Variants in FDX1 observed in about 807,000 individuals in gnomAD.
FDX1 encodes the protein adrenodoxin, mitochondrial.
FDX1 carries 9 observed loss-of-function variants against 14.9 expected under a neutral mutation model. The observed-to-expected ratio is 0.60, with a 90% confidence interval of 0.36 to 1.05. FDX1 has a LOEUF of 1.05. FDX1 is among the 50% of genes least tolerant of loss of function. FDX1 has a pLI of 0.01. For missense variants in FDX1, 204 were observed against 237.2 expected (o/e 0.86, Z 0.92); for synonymous variants, 92 against 99.4 (o/e 0.93, Z 0.44).
At chr11:110,433,621 A>T (rs1333854697) in intron 1 of FDX1, among the ~76,000 whole-genome samples, 1 of 152,176 alleles carries the variant, frequency 6.6e-6, no homozygotes, top group African/African-American at 2.4e-5. Flanking sequence ...TTTGAAAAAA[A>T]TGGCAGTTAT....
At chr11:110,429,673 T>G (rs1029002808), upstream of FDX1, among the ~76,000 whole-genome samples, 2 of 151,434 alleles carry the variant, frequency 1.3e-5, no homozygotes, top group Non-Finnish European at 3.0e-5. Context: ...ATTTCCCAGT[T>G]TTTTTTTTAA....
At chr11:110,450,345 G>A (rs1247050740) in intron 2 of FDX1, among the ~76,000 whole-genome samples, 1 of 151,906 alleles carries the variant, frequency 6.6e-6, no homozygotes, top group East Asian at 1.9e-4. Flanking sequence ...CTCATAAGGA[G>A]GGTGCACCCT....
chr11:110,430,255 G>T lies in FDX1; in HGVS notation c.135G>T (p.Gly45=), dbSNP rs138066706. The part of the protein sequence containing the change: ...SGLLRNRGPG[G]SAEASRSLSV... The stretch of plus-strand genomic sequence containing the variant: ...TGCTGAGGAACCGGGGGCCGGGCGG[G>T]AGCGCGGAGGCGAGCCGGTCGCTGA... Residue 45 remains glycine (G), a synonymous_variant, in exon 1 of 4, where the codon GGG becomes GGT. Transcript: ENST00000260270. 9,886 of 1,205,116 alleles carry T rather than the reference G, an allele frequency of 8.2e-3. 646 individuals carry two copies. The East Asian group carries it at 0.17, about 20-fold the overall frequency. The allele number at this position is 1,205,116 out of a possible 1,614,324, so 74.7% of individuals were successfully genotyped here. A position where few individuals can be genotyped will look rare whatever the true frequency, so the allele number is the denominator to read the frequency against.
intron 2 of FDX1, among the ~76,000 whole-genome samples, chr11:110,444,726 ATATATATATATATATATACACG>A (rs1565382032): frequency 2.1e-4 from 13 of 62,346 alleles, no homozygotes; most frequent in African/African-American, 3.5e-4. Flanking sequence ...ATATATACGT[ATATATATATATATATATACACG>A]TATATATATA....
In FDX1 at chr11:110,430,013, C is replaced by T. The variant is rs978963537; in HGVS notation, c.-108C>T. ...GCCACTCCAGCCCCGCGCCCCTCGC[C>T]GCGGCCCTCGGGCGTCTGCGCCGCA... On this transcript the variant is annotated 5_prime_UTR_variant, in exon 1 of 4. Coordinates refer to ENST00000260270, the MANE Select transcript of FDX1 (RefSeq NM_004109.5). The T allele has an allele frequency of 4.5e-5, 36 of 791,454 alleles. No individual in the cohort carries two copies. The highest frequency in any genetic ancestry group is 5.7e-5 in the Non-Finnish European group (34 of 598,390). 49.0% of individuals were successfully genotyped at this position (791,454 alleles called of 1,614,324 possible).
chr11:110,430,226 G>A lies in FDX1; in HGVS notation c.106G>A (p.Gly36Ser). The part of the protein sequence containing the change: ...HHAGSRAGSS[G>S]LLRNRGPGGS... ...CGCTGGGTCCCGCGCTGGATCCAGC[G>A]GCCTGCTGAGGAACCGGGGGCCGGG... The change falls in exon 1 of 4, where the codon GGC becomes AGC. Residue 36 changes from glycine to serine, a missense_variant. By Grantham distance (56) the Gly-to-Ser change is moderately conservative (BLOSUM62 0). Transcript: ENST00000260270. 8.3e-7 allele frequency: 1 copy of A among 1,208,800 alleles called. No homozygotes were observed. Among genetic ancestry groups the A allele is most frequent in the Non-Finnish European group, 1.0e-6 (1 of 973,494 alleles). The allele number at this position is 1,208,800 out of a possible 1,614,324, so 74.9% of individuals were successfully genotyped here.
Position 110,429,998 on chromosome 11 carries a change from C to T in FDX1, c.-123C>T. 2 of 616,368 alleles carry T rather than the reference C, an allele frequency of 3.2e-6. No individual in the cohort carries two copies. Among genetic ancestry groups the T allele is most frequent in the Non-Finnish European group, 2.3e-6 (1 of 438,838 alleles). 38.2% of individuals were successfully genotyped at this position (616,368 alleles called of 1,614,324 possible). ...CAGCAGGGTCTCTCCGCCACTCCAG[C>T]CCCGCGCCCCTCGCCGCGGCCCTCG... On this transcript the variant is annotated 5_prime_UTR_variant, in exon 1 of 4. Coordinates refer to ENST00000260270, the MANE Select transcript of FDX1 (RefSeq NM_004109.5).
At chr11:110,441,544 C>T (rs942323326) in intron 2 of FDX1, among the ~76,000 whole-genome samples, 1 of 152,212 alleles carries the variant, frequency 6.6e-6, no homozygotes, top group African/African-American at 2.4e-5. Flanking sequence ...GCGCATTTTG[C>T]CCCTGCCCTA....
At chr11:110,431,256 C>T (rs1423335233) in intron 1 of FDX1, among the ~76,000 whole-genome samples, 1 of 152,190 alleles carries the variant, frequency 6.6e-6, no homozygotes, top group African/African-American at 2.4e-5. Context: ...AAAGACACTC[C>T]TTAGATATAC....
At chr11:110,446,930 A>G (rs1044531529) in intron 2 of FDX1, among the ~76,000 whole-genome samples, 4 of 152,162 alleles carry the variant, frequency 2.6e-5, no homozygotes, top group East Asian at 3.9e-4. Context: ...TAATCCCTGC[A>G]CTTTGGGAGG....
chr11:110,454,208 G>A (rs1946507182), intron 2 of FDX1, among the ~76,000 whole-genome samples: 1 of 152,122 alleles, frequency 6.6e-6, no homozygotes, highest in Admixed American at 6.5e-5. Context: ...GGAAATAATT[G>A]CCAAGGTTCC....
chr11:110,459,463 A>G (rs1288670151), intron 3 of FDX1, among the ~76,000 whole-genome samples: 1 of 152,212 alleles, frequency 6.6e-6, no homozygotes, highest in Non-Finnish European at 1.5e-5. Flanking sequence ...TGGGGAAACA[A>G]GGTTTAGTTA....
intron 2 of FDX1, among the ~76,000 whole-genome samples, chr11:110,445,803 T>A (rs1449648158): frequency 2.0e-5 from 3 of 152,174 alleles, no homozygotes; most frequent in Non-Finnish European, 2.9e-5. Flanking sequence ...GCTGTAAAGA[T>A]CAAATGAGTA....
chr11:110,444,690 A>ATATATATATATATACGTG lies in FDX1; in HGVS notation c.310+8749_310+8750insGTATATATATATATACGT, dbSNP rs1946432472. 7.3e-5 allele frequency among the ~76,000 whole-genome samples: 4 copies of ATATATATATATATACGTG among 54,982 alleles called. 1 individual carries two copies. The highest frequency in any genetic ancestry group is 9.6e-4 in the South Asian group (2 of 2,076). The allele number at this position is 54,982 out of a possible 152,430, so 36.1% of individuals were successfully genotyped here. On this transcript the variant is annotated intron_variant, in intron 2 of 3. Coordinates refer to ENST00000260270, the MANE Select transcript of FDX1 (RefSeq NM_004109.5). Reference sequence around the variant, plus strand: ...CGTATATATATATATATATACACGTATATATATATATATACGTATATATAT... The same window carrying ATATATATATATATACGTG: ...CGTATATATATATATATATACACGTATATATATATATATACGTGTATATATATATATACGTATATATAT...
chr11:110,461,312 A>G (rs1010200242), intron 3 of FDX1, among the ~76,000 whole-genome samples: 11 of 152,094 alleles, frequency 7.2e-5, no homozygotes, highest in African/African-American at 2.7e-4. Context: ...CCTAAGCAAC[A>G]TGGTGAAACC....
intron 2 of FDX1, among the ~76,000 whole-genome samples, chr11:110,447,792 GT>G (rs746361996): frequency 3.9e-5 from 6 of 152,112 alleles, no homozygotes; most frequent in Non-Finnish European, 7.4e-5. Context: ...CAAAGTAGTG[GT>G]TCTCTTGTTA....
At chr11:110,446,987 C>A (rs1482170552) in intron 2 of FDX1, among the ~76,000 whole-genome samples, 1 of 152,024 alleles carries the variant, frequency 6.6e-6, no homozygotes, top group Non-Finnish European at 1.5e-5. Context: ...CCAGCCTGGG[C>A]AACATGGTGA....
At chr11:110,439,219 C>T (rs1432792430) in intron 2 of FDX1, among the ~76,000 whole-genome samples, 1 of 151,020 alleles carries the variant, frequency 6.6e-6, no homozygotes, top group Non-Finnish European at 1.5e-5. Flanking sequence ...CACTTCCCCC[C>T]AACCCCGAGA....
In FDX1 at chr11:110,444,705, C is replaced by CGT. The variant is rs1555069117; in HGVS notation, c.310+8748_310+8749dup. 2.2e-3 allele frequency among the ~76,000 whole-genome samples: 80 copies of CGT among 36,616 alleles called. 2 individuals carry two copies. The highest frequency in any genetic ancestry group is 2.9e-3 in the African/African-American group (26 of 8,828). The allele number at this position is 36,616 out of a possible 152,430, so 24.0% of individuals were successfully genotyped here. A position where few individuals can be genotyped will look rare whatever the true frequency, so the allele number is the denominator to read the frequency against. On this transcript the variant is annotated intron_variant, in intron 2 of 3. Transcript: ENST00000260270. ...ATATACACGTATATATATATATATA[C>CGT]GTATATATATATATATACGTATATA...
Sources: allele counts gnomAD v4.1 joint callset (sites outside exome capture counted in the v4.1 genomes callset), GRCh38; gene constraint gnomAD v4.1.1; transcripts MANE v1.5; gene names NCBI Gene and HGNC (gene_info 2026-07-23, HGNC 2026-07-21).